STAU1: variants seen among roughly 807,000 people sequenced by gnomAD.
STAU1 encodes the protein staufen double-stranded RNA binding protein 1, also known as double-stranded RNA-binding protein Staufen homolog 1.
Under a neutral mutation model 62.9 loss-of-function variants are expected in STAU1, and 13 were observed. That is an observed-to-expected ratio of 0.21 (90% CI 0.13 to 0.33). The LOEUF (loss-of-function observed/expected upper bound fraction) is 0.33, where lower values mean the gene tolerates loss of function less well. Among genes scored for constraint, STAU1 ranks in the 10% least tolerant of loss-of-function variants. STAU1 has a pLI of 1.00. For synonymous variants in STAU1, 269 were observed against 265.1 expected (o/e 1.01, Z -0.14); for missense variants, 571 against 712.1 (o/e 0.80, Z 2.25).
At chr20:49,138,245 G>A (rs918125895) in intron 5 of STAU1, among the ~76,000 whole-genome samples, 4 of 152,064 alleles carry the variant, frequency 2.6e-5, no homozygotes, top group African/African-American at 4.8e-5. Context: ...TCACGCCACT[G>A]CATTCTAGCC....
intron 3 of STAU1, chr20:49,159,083 A>G: frequency 1.6e-6 from 2 of 1,222,108 alleles, no homozygotes; most frequent in African/African-American, 3.2e-5. Flanking sequence ...GAAGCCTGCA[A>G]CGCAGTACAA....
intron 5 of STAU1, among the ~76,000 whole-genome samples, chr20:49,142,727 T>C (rs2093036172): frequency 6.6e-6 from 1 of 152,182 alleles, no homozygotes. Context: ...CAGAGGAGTA[T>C]CATTAGGAAC....
intron 5 of STAU1, among the ~76,000 whole-genome samples, chr20:49,139,423 C>G (rs977450619): frequency 1.3e-5 from 2 of 152,118 alleles, no homozygotes; most frequent in Non-Finnish European, 2.9e-5. Context: ...AGGCATTTCT[C>G]TAAAGAAATA....
chr20:49,217,078 T>C, the STAU1 span, among the ~76,000 whole-genome samples: 1 of 152,142 alleles, frequency 6.6e-6, no homozygotes, highest in African/African-American at 2.4e-5. Context: ...AATGAGGCGC[T>C]GCTCAGCGTT....
chr20:49,193,962 C>T, the STAU1 span, among the ~76,000 whole-genome samples: 2 of 92,726 alleles, frequency 2.2e-5, no homozygotes, highest in African/African-American at 7.0e-5. Flanking sequence ...GAGACTCCAT[C>T]TCAGAAAAAA....
chr20:49,135,014 C>T (rs1371532981), intron 6 of STAU1: 34 of 1,597,382 alleles, frequency 2.1e-5, no homozygotes, highest in Admixed American at 8.4e-5. Flanking sequence ...ACCTGGACAG[C>T]GAAGGGAGCC....
intron 2 of STAU1, among the ~76,000 whole-genome samples, chr20:49,173,822 G>A (rs967621000): frequency 1.3e-5 from 2 of 152,070 alleles, no homozygotes; most frequent in African/African-American, 2.4e-5. Context: ...TGCTAAATTC[G>A]TTCTATGAGT....
At chr20:49,153,078 G>A (rs891160191) in intron 4 of STAU1, among the ~76,000 whole-genome samples, 25 of 151,350 alleles carry the variant, frequency 1.7e-4, no homozygotes, top group Admixed American at 2.0e-4. Context: ...GTGAAACCCC[G>A]TCTCTACTAA....
chr20:49,200,209 G>A, the STAU1 span, among the ~76,000 whole-genome samples: 4 of 152,140 alleles, frequency 2.6e-5, no homozygotes, highest in Admixed American at 1.3e-4. Context: ...TAATTCATAA[G>A]AGCCAAAACC....
intron 1 of STAU1, among the ~76,000 whole-genome samples, chr20:49,186,609 T>C (rs1423008913): frequency 6.6e-6 from 1 of 152,102 alleles, no homozygotes; most frequent in African/African-American, 2.4e-5. Context: ...AGAGTACACC[T>C]ATAAAACTAA....
chr20:49,134,449 AGCTC>A, intron 6 of STAU1: 1 of 609,626 alleles, frequency 1.6e-6, no homozygotes, highest in Non-Finnish European at 2.9e-6. Flanking sequence ...AAAAAAAAAA[AGCTC>A]TGGGTTGAAA....
chr20:49,170,403 T>G (rs1012194602), intron 2 of STAU1, among the ~76,000 whole-genome samples: 1 of 152,188 alleles, frequency 6.6e-6, no homozygotes, highest in Non-Finnish European at 1.5e-5. Flanking sequence ...CAGGTTGGAG[T>G]GCAGTGGCAC....
the STAU1 span, among the ~76,000 whole-genome samples, chr20:49,214,308 A>G: frequency 6.6e-6 from 1 of 152,216 alleles, no homozygotes; most frequent in Non-Finnish European, 1.5e-5. Flanking sequence ...ACCTGAGGTC[A>G]GGAGTTCAAG....
intron 12 of STAU1, among the ~76,000 whole-genome samples, chr20:49,116,347 T>C (rs1409366023): frequency 3.4e-4 from 52 of 152,128 alleles, no homozygotes; most frequent in Admixed American, 3.4e-3. Flanking sequence ...GACACTGTTT[T>C]GTTTTGAAAC....
the STAU1 span, among the ~76,000 whole-genome samples, chr20:49,212,368 G>T: frequency 6.6e-6 from 1 of 152,156 alleles, no homozygotes; most frequent in East Asian, 1.9e-4. Context: ...CTTTATTGAG[G>T]TATAATTAAC....
chr20:49,150,993 C>T (rs974824257), intron 5 of STAU1, among the ~76,000 whole-genome samples: 11 of 152,122 alleles, frequency 7.2e-5, no homozygotes, highest in Admixed American at 5.9e-4. Flanking sequence ...GCAGATCCTC[C>T]GGCCCCGTGC....
the STAU1 span, among the ~76,000 whole-genome samples, chr20:49,216,007 CAAAAAAAAAAA>C: frequency 8.2e-5 from 3 of 36,452 alleles, no homozygotes; most frequent in South Asian, 2.7e-3. Flanking sequence ...GACTATGTCT[CAAAAAAAAAAA>C]AAAAAAAAAA....
chr20:49,126,588 C>CAAAAAAAAAAAAAAAAAAAAAA, intron 6 of STAU1, among the ~76,000 whole-genome samples: 2 of 56,344 alleles, frequency 3.5e-5, no homozygotes, highest in African/African-American at 6.4e-5. Flanking sequence ...AAAAAAAAAA[C>CAAAAAAAAAAAAAAAAAAAAAA]AAAAAAAAAA....
At chr20:49,144,869 G>C (rs1600717007) in intron 5 of STAU1, among the ~76,000 whole-genome samples, 1 of 152,244 alleles carries the variant, frequency 6.6e-6, no homozygotes, top group East Asian at 1.9e-4. Flanking sequence ...TTTGGGAGTA[G>C]ATGATGAATA....
Sources: allele counts gnomAD v4.1 joint callset (sites outside exome capture counted in the v4.1 genomes callset), GRCh38; gene constraint gnomAD v4.1.1; transcripts MANE v1.5; gene names NCBI Gene and HGNC (gene_info 2026-07-23, HGNC 2026-07-21).